TOGARAM1: variants seen among roughly 807,000 people sequenced by gnomAD.
The protein encoded by TOGARAM1 is TOG array regulator of axonemal microtubules protein 1.
In TOGARAM1, 100 loss-of-function variants were observed where a neutral mutation model predicts 166.6. The observed-to-expected ratio is 0.60, with a 90% CI of 0.51 to 0.71. The LOEUF is 0.71. Among genes scored for constraint, TOGARAM1 ranks in the 30% least tolerant of loss-of-function variants. TOGARAM1 has a pLI of 0.00. For synonymous variants in TOGARAM1, 758 were observed against 763.8 expected (o/e 0.99, Z 0.13); for missense variants, 2,029 against 2,102.7 (o/e 0.96, Z 0.69).
intron 1 of TOGARAM1, among the ~76,000 whole-genome samples, chr14:44,968,432 T>G (rs1386993405): frequency 6.6e-6 from 1 of 152,188 alleles, no homozygotes; most frequent in Admixed American, 6.5e-5. Flanking sequence ...GTATTTTTAG[T>G]AGAGACGGGG....
In TOGARAM1 at chr14:45,009,015, C is replaced by T; in HGVS notation, c.3007C>T (p.Leu1003Phe). 2 of 1,614,074 alleles carry T rather than the reference C, an allele frequency of 1.2e-6. No individual in the cohort carries two copies. The highest frequency in any genetic ancestry group is 1.1e-5 in the South Asian group (1 of 91,084). ...DLESPDSAMKLDLTMDSPSLS... is the reference protein window; with the variant it reads ...DLESPDSAMKFDLTMDSPSLS... ...TGAAAGCCCTGATTCTGCAATGAAG[C>T]TCGACTTGACGATGGACTCCCCGTC... The change falls in exon 6 of 20, where the codon CTC (leucine) becomes TTC (phenylalanine). Residue 1003 changes from leucine (L) to phenylalanine (F), a missense_variant. Leu to Phe is a conservative substitution (Grantham distance 22, BLOSUM62 0). This residue lies in a region of TOGARAM1 where 1,453 missense variants were observed against 1,432.2 expected (regional missense o/e 1.01). Transcript: ENST00000361462.
chr14:45,028,297 G>A lies in TOGARAM1; in HGVS notation c.3626G>A (p.Arg1209Lys). The A allele has an allele frequency of 1.3e-6, 2 of 1,594,330 alleles. No individual in the cohort carries two copies. Among genetic ancestry groups the A allele is most frequent in the Non-Finnish European group, 1.7e-6 (2 of 1,175,152 alleles). The change falls in exon 10 of 20, where the codon AGA (arginine) becomes AAA (lysine). Residue 1209 changes from arginine (R) to lysine (K), a missense_variant. Arg to Lys is a conservative substitution (Grantham distance 26). Around this residue, in one of 2 missense-constraint regions of TOGARAM1, gnomAD observed 1,453 missense variants for 1,432.2 expected, o/e 1.01. Coordinates refer to ENST00000361462, the MANE Select transcript of TOGARAM1 (RefSeq NM_001308120.2). ...KKEKNSWERM[R>K]HTGTEKMASE... The stretch of plus-strand genomic sequence containing the variant: ...GAAAAAAATTCCTGGGAACGAATGA[G>A]ACATACAGGAACTGAGAAAATGGCA...
In TOGARAM1 at chr14:45,043,720, T is replaced by A. The variant is rs142427599; in HGVS notation, c.3847T>A (p.Cys1283Ser). ...AATTGAGGGACTGAATTTTATTAGA[T>A]GCTTAGCTGCTTTTCATTCTGAGAT... ...KKIEGLNFIR[C>S]LAAFHSEILN... Residue 1283 changes from cysteine (C) to serine (S), a missense_variant, in exon 12 of 20, where the codon TGC becomes AGC. Around this residue, in one of 2 missense-constraint regions of TOGARAM1, gnomAD observed 576 missense variants for 670.5 expected, o/e 0.86. Transcript: ENST00000361462. 1.2e-3 allele frequency: 1,897 copies of A among 1,613,102 alleles called. 2 individuals are homozygous for A. The highest frequency in any genetic ancestry group is 1.4e-3 in the Non-Finnish European group (1,664 of 1,179,264).
chr14:44,977,731 C>T (rs933265233), intron 1 of TOGARAM1, among the ~76,000 whole-genome samples: 9 of 151,956 alleles, frequency 5.9e-5, no homozygotes, highest in Admixed American at 4.6e-4. Context: ...CTGCAACTTC[C>T]ACCTCCCAGG....
intron 1 of TOGARAM1, among the ~76,000 whole-genome samples, chr14:44,980,684 C>G (rs893014013): frequency 3.3e-5 from 5 of 151,978 alleles, no homozygotes; most frequent in Admixed American, 2.0e-4. Flanking sequence ...CGGTCCCCAC[C>G]CTGCCAAAAG....
intron 1 of TOGARAM1, among the ~76,000 whole-genome samples, chr14:44,977,953 C>A (rs1886305776): frequency 6.6e-6 from 1 of 152,104 alleles, no homozygotes; most frequent in Admixed American, 6.6e-5. Flanking sequence ...CCTGGCCTAG[C>A]CTTCTTTTTG....
chr14:45,015,304 C>CAAAA (rs1213990584), intron 7 of TOGARAM1, among the ~76,000 whole-genome samples: 1 of 135,342 alleles, frequency 7.4e-6, no homozygotes, highest in Non-Finnish European at 1.6e-5. Flanking sequence ...GAGCCTATCT[C>CAAAA]AAAAAATAAA....
At chr14:44,975,576 C>T (rs562804599) in intron 1 of TOGARAM1, among the ~76,000 whole-genome samples, 50 of 152,124 alleles carry the variant, frequency 3.3e-4, no homozygotes, top group Admixed American at 1.2e-3. Flanking sequence ...AAGCCATTCT[C>T]CCACCTCAGC....
At chr14:44,984,346 ATTG>A (rs1886677469) in intron 1 of TOGARAM1, among the ~76,000 whole-genome samples, 3 of 152,012 alleles carry the variant, frequency 2.0e-5, no homozygotes, top group Non-Finnish European at 4.4e-5. Context: ...CATTTCTGTG[ATTG>A]TTAATATATC....
intron 14 of TOGARAM1, among the ~76,000 whole-genome samples, chr14:45,048,125 G>A (rs564226203): frequency 3.3e-5 from 5 of 150,712 alleles, no homozygotes; most frequent in South Asian, 2.1e-4. Flanking sequence ...AGGCTGAGGC[G>A]GGCGGCTCAC....
At chr14:45,037,570 TTCA>T (rs892630334) in intron 11 of TOGARAM1, among the ~76,000 whole-genome samples, 6 of 152,308 alleles carry the variant, frequency 3.9e-5, no homozygotes, top group African/African-American at 1.4e-4. Flanking sequence ...AAGGAATTAA[TTCA>T]TCAAGAGGAC....
intron 15 of TOGARAM1, among the ~76,000 whole-genome samples, chr14:45,053,417 A>G (rs918368814): frequency 3.3e-5 from 5 of 152,174 alleles, no homozygotes; most frequent in African/African-American, 1.2e-4. Context: ...GAGAATACCA[A>G]GTGAAATAAA....
intron 11 of TOGARAM1, among the ~76,000 whole-genome samples, chr14:45,036,131 A>C (rs570186431): frequency 0.024 from 2,790 of 117,302 alleles, 73 homozygotes; most frequent in African/African-American, 0.11. Flanking sequence ...CCTTGTCTCT[A>C]AAAAAAAAAA....
chr14:45,022,672 T>A (rs1880590375), intron 7 of TOGARAM1, among the ~76,000 whole-genome samples: 1 of 151,494 alleles, frequency 6.6e-6, no homozygotes, highest in South Asian at 2.1e-4. Context: ...CATTTCTTCT[T>A]CTGAGTACTG....
Position 45,025,805 on chromosome 14 carries a change from A to G in TOGARAM1, c.3261A>G (p.Gln1087=), listed in dbSNP as rs561548774. Residue 1087 remains glutamine (Q), a synonymous_variant, in exon 8 of 20, where the codon CAA becomes CAG. Coordinates refer to ENST00000361462, the MANE Select transcript of TOGARAM1 (RefSeq NM_001308120.2). ...CAGGGTCATCATCAAATCCACAGCA[A>G]ATTTCCAGTTTTGACTTCACAACCA... ...PSAGSSSNPQ[Q]ISSFDFTTTK... The G allele has an allele frequency of 1.9e-6, 3 of 1,608,636 alleles. No homozygotes were observed. Among genetic ancestry groups the G allele is most frequent in the African/African-American group, 1.3e-5 (1 of 74,902 alleles).
At position 44,962,257 on chromosome 14, in the gene TOGARAM1, C is replaced by T; in HGVS notation, c.-165C>T. ...AGGGCTCAGACGGGGGCCATTTTGC[C>T]AGAGGCTGCCTCCCGGAGTTGGGGG... On this transcript the variant is annotated 5_prime_UTR_variant, in exon 1 of 20. Coordinates refer to ENST00000361462, the MANE Select transcript of TOGARAM1 (RefSeq NM_001308120.2). 2 of 817,128 alleles carry T rather than the reference C, an allele frequency of 2.4e-6. No individual in the cohort carries two copies. The highest frequency in any genetic ancestry group is 3.6e-6 in the Non-Finnish European group (2 of 560,878). 50.6% of individuals were successfully genotyped at this position (817,128 alleles called of 1,614,324 possible). A position where few individuals can be genotyped will look rare whatever the true frequency, so the allele number is the denominator to read the frequency against.
chr14:45,043,874 T>G, intron 12 of TOGARAM1, 83 bp downstream of exon 12: 2 of 781,358 alleles, frequency 2.6e-6, no homozygotes, highest in Admixed American at 2.1e-5. Flanking sequence ...TTTAAAATTT[T>G]TAAACAACTC....
At chr14:45,050,777 G>A (rs1882324803) in intron 14 of TOGARAM1, among the ~76,000 whole-genome samples, 1 of 152,082 alleles carries the variant, frequency 6.6e-6, no homozygotes, top group Admixed American at 6.6e-5. Context: ...ACCATGCCTG[G>A]CTGATTTTTG....
chr14:45,055,842 CTTTT>C (rs770271609), intron 16 of TOGARAM1, among the ~76,000 whole-genome samples: 1 of 99,282 alleles, frequency 1.0e-5, no homozygotes, highest in Admixed American at 1.0e-4. Context: ...TACTTGGGCT[CTTTT>C]TTTTTTTTTT....
Sources: allele counts gnomAD v4.1 joint callset (sites outside exome capture counted in the v4.1 genomes callset), GRCh38; gene constraint gnomAD v4.1.1; regional missense constraint gnomAD v4.1.1; transcripts MANE v1.5; gene names NCBI Gene and HGNC (gene_info 2026-07-23, HGNC 2026-07-21).